The following COL9A1 variants were observed in gnomAD, a reference collection of about 807,000 sequenced individuals.
COL9A1 encodes the protein collagen type IX alpha 1 chain, also known as collagen alpha-1(IX) chain.
Under a neutral mutation model 142.6 loss-of-function variants are expected in COL9A1, and 104 were observed. The observed-to-expected ratio is 0.73, with a 90% confidence interval of 0.62 to 0.86. COL9A1 has a LOEUF of 0.86. Among genes scored for constraint, COL9A1 ranks in the 40% least tolerant of loss-of-function variants. The pLI is 0.00. For missense variants in COL9A1, 1,210 were observed against 1,176.6 expected (o/e 1.03, Z -0.42); for synonymous variants, 466 against 396.0 (o/e 1.18, Z -2.10).
intron 28 of COL9A1, among the ~76,000 whole-genome samples, chr6:70,250,172 G>A (rs144151051): frequency 0.037 from 5,620 of 152,056 alleles, 212 homozygotes; most frequent in East Asian, 0.14. Context: ...AAGGTGGGAG[G>A]ATCACTTGAA....
rs369718107 is a variant in COL9A1, at chr6:70,277,531, A to G, written c.976-2759T>C. Among the ~76,000 whole-genome samples the G allele has an allele frequency of 1.0e-3, 153 of 152,336 alleles. 3 individuals are homozygous for G. In the South Asian group the frequency reaches 0.012, roughly 12 times the overall value. On this transcript the variant is annotated intron_variant, in intron 10 of 37. Transcript: ENST00000357250. ...AAAGTGCCTTCATATGAATATTCAT[A>G]CAGACAAACTTCTATACATTATAAC...
intron 4 of COL9A1, 115 bp from the exon 5 acceptor site, chr6:70,294,678 T>TA (rs756851230): frequency 1.0e-6 from 1 of 968,440 alleles, no homozygotes; most frequent in Non-Finnish European, 1.6e-6. Flanking sequence ...AGCTACAGTG[T>TA]AAAAACCTAT....
intron 4 of COL9A1, among the ~76,000 whole-genome samples, chr6:70,297,076 T>G (rs1773873495): frequency 6.6e-6 from 1 of 152,154 alleles, no homozygotes; most frequent in African/African-American, 2.4e-5. Flanking sequence ...TGAAGTTAAC[T>G]GAGGGAGTTC....
At position 70,280,483 on chromosome 6, in the gene COL9A1, C is replaced by G; in HGVS notation, c.975+329G>C. On this transcript the variant is annotated intron_variant, in intron 10 of 37. Transcript: ENST00000357250. ...CGAAGCCAGTACAATCTATTGCCAT[C>G]CGTACCCCCTCTGGCCCCAGTGGGG... The G allele has an allele frequency of 3.8e-6, 5 of 1,306,616 alleles. No individual in the cohort carries two copies. The South Asian group carries it at 8.7e-5, about 23-fold the overall frequency. 80.9% of individuals were successfully genotyped at this position (1,306,616 alleles called of 1,614,324 possible). A position where few individuals can be genotyped will look rare whatever the true frequency, so the allele number is the denominator to read the frequency against.
chr6:70,254,539 A>C lies in COL9A1; in HGVS notation c.1666-10T>G, dbSNP rs762825632. On this transcript the variant is annotated splice_polypyrimidine_tract_variant and intron_variant, in intron 24 of 37. Coordinates refer to ENST00000357250, the MANE Select transcript of COL9A1 (RefSeq NM_001851.6). ...GTTTTCCTGGTTCACCCTGCAAAAAAAGCTTTTATCACATGATTGAACCTG... is the reference window on the plus strand; with the variant it reads ...GTTTTCCTGGTTCACCCTGCAAAAACAGCTTTTATCACATGATTGAACCTG... The C allele has an allele frequency of 1.8e-5, 29 of 1,613,848 alleles. No individual in the cohort carries two copies. The Admixed American group carries it at 4.3e-4, about 24-fold the overall frequency.
At chr6:70,279,218 G>A (rs957209107) in intron 10 of COL9A1, among the ~76,000 whole-genome samples, 5 of 152,116 alleles carry the variant, frequency 3.3e-5, no homozygotes, top group African/African-American at 4.8e-5. Context: ...GAATTTGTCA[G>A]ACTCTTTTTA....
intron 21 of COL9A1, 112 bp downstream of exon 21, chr6:70,256,656 T>C (rs1045200609): frequency 4.0e-6 from 3 of 750,398 alleles, no homozygotes; most frequent in Non-Finnish European, 6.6e-6. Flanking sequence ...ATATATAAAT[T>C]GTCCACTTTT....
rs761378012 is a variant in COL9A1 at position 70,294,295 on chromosome 6, T to G, written c.568A>C (p.Ser190Arg). The G allele has an allele frequency of 6.2e-7, 1 of 1,614,030 alleles. No individual in the cohort carries two copies. The highest frequency in any genetic ancestry group is 2.2e-5 in the East Asian group (1 of 44,874). Residue 190 changes from serine (S) to arginine (R), a missense_variant, in exon 5 of 38, where the codon AGT becomes CGT. Transcript: ENST00000357250. ...CAGTCAACAAAAAGAGTAGCACTAC[T>G]CCTCTCCACGCCAATCATGATCTTA... ...WHKIMIGVER[S>R]SATLFVDCNR... is the part of the protein sequence containing the mutation.
At chr6:70,239,118 G>T in intron 33 of COL9A1, 136 bp downstream of exon 33, 2 of 632,668 alleles carry the variant, frequency 3.2e-6, no homozygotes, top group South Asian at 2.0e-5. Flanking sequence ...ACGCCTGGGC[G>T]ACAGAGTGAG....
chr6:70,223,106 C>T (rs1251288115), intron 37 of COL9A1, among the ~76,000 whole-genome samples: 1 of 152,146 alleles, frequency 6.6e-6, no homozygotes, highest in African/African-American at 2.4e-5. Context: ...AAGGTCTGGG[C>T]ATCAGGGGCG....
intron 4 of COL9A1, among the ~76,000 whole-genome samples, chr6:70,295,281 C>CTTT (rs1171549562): frequency 0.057 from 3,595 of 63,174 alleles, 744 homozygotes; most frequent in South Asian, 0.14. Flanking sequence ...GTTGTTGCTT[C>CTTT]TTTTTTTTTT....
chr6:70,282,887 C>A lies in COL9A1; in HGVS notation c.801+11G>T, dbSNP rs200305129. 1 of 1,614,186 alleles carries A rather than the reference C, an allele frequency of 6.2e-7. No homozygotes were observed. Among genetic ancestry groups the A allele is most frequent in the Admixed American group, 1.7e-5 (1 of 60,028 alleles). On this transcript the variant is annotated intron_variant, in intron 7 of 37. Coordinates refer to ENST00000357250, the MANE Select transcript of COL9A1 (RefSeq NM_001851.6). ...CTTGAAAAATGCAAACACTCCCTGC[C>A]CCCAACTTACCTCGTCGGTGGTCTG...
intron 20 of COL9A1, among the ~76,000 whole-genome samples, chr6:70,259,540 C>T (rs184188757): frequency 2.6e-4 from 39 of 152,226 alleles, no homozygotes; most frequent in Middle Eastern, 3.4e-3. Flanking sequence ...TGATGATAAT[C>T]ACTCAGCTAA....
At chr6:70,228,502 AT>A (rs374363493) in intron 36 of COL9A1, among the ~76,000 whole-genome samples, 11 of 152,024 alleles carry the variant, frequency 7.2e-5, no homozygotes, top group Non-Finnish European at 1.2e-4. Context: ...TATACATACC[AT>A]TTTTTTTCCA....
rs770705023 is a variant in COL9A1, at chr6:70,232,680, G to T, written c.2406C>A (p.Gly802=). ...CTGGGAAACCATTCTCTCCAGGAGG[G>T]CCGGGGGGACCAGGAGGGCCAGGCC... ...PGRPGPPGPP[G]PPGENGFPGQ... The change falls in exon 36 of 38, where the codon GGC becomes GGA. Residue 802 remains glycine (G), a synonymous_variant. Transcript: ENST00000357250. 8 of 1,613,920 alleles carry T rather than the reference G, an allele frequency of 5.0e-6. No individual in the cohort carries two copies. Among genetic ancestry groups the T allele is most frequent in the Admixed American group, 3.3e-5 (2 of 60,002 alleles).
chr6:70,273,725 A>T lies in COL9A1; in HGVS notation c.1065+322T>A, dbSNP rs1482950769. 5.3e-5 allele frequency among the ~76,000 whole-genome samples: 8 copies of T among 152,160 alleles called. No individual in the cohort carries two copies. The East Asian group carries it at 1.5e-3, about 29-fold the overall frequency. ...TTGAATACTTAGATATGCTGTTGTTATGCAAGAAGTGTTTTCTATCATGGC... is the reference window on the plus strand; with the variant it reads ...TTGAATACTTAGATATGCTGTTGTTTTGCAAGAAGTGTTTTCTATCATGGC... On this transcript the variant is annotated intron_variant, in intron 12 of 37. Coordinates refer to ENST00000357250, the MANE Select transcript of COL9A1 (RefSeq NM_001851.6).
At chr6:70,235,294 A>G (rs938971656) in intron 33 of COL9A1, among the ~76,000 whole-genome samples, 5 of 152,096 alleles carry the variant, frequency 3.3e-5, no homozygotes, top group African/African-American at 1.2e-4. Flanking sequence ...CTCTACTAAA[A>G]ATACAAAAAT....
rs1773157885 is a variant in COL9A1 at position 70,281,422 on chromosome 6, G to T, written c.844C>A (p.Pro282Thr). ...CCATCGATGCCTGGAACTCCAGGGGGGCCCGGAGGCCCGGGAGGACCCTGC... is the reference window on the plus strand; with the variant it reads ...CCATCGATGCCTGGAACTCCAGGGGTGCCCGGAGGCCCGGGAGGACCCTGC... ...GEQGPPGPPG[P>T]PGVPGIDGID... The change falls in exon 8 of 38, where the codon CCC becomes ACC. Residue 282 changes from proline (P) to threonine (T), a missense_variant. Pro to Thr is a conservative substitution (Grantham distance 38). Coordinates refer to ENST00000357250, the MANE Select transcript of COL9A1 (RefSeq NM_001851.6). 6.2e-7 allele frequency: 1 copy of T among 1,613,434 alleles called. No individual in the cohort carries two copies.
intron 7 of COL9A1, 132 bp from the exon 8 acceptor site, chr6:70,281,596 A>G: frequency 3.1e-6 from 2 of 642,182 alleles, no homozygotes; most frequent in Non-Finnish European, 5.4e-6. Context: ...TTGCAACCCA[A>G]CGCAAAAATG....
Sources: gnomAD v4.1 joint callset for allele counts (sites outside exome capture counted in the v4.1 genomes callset) on GRCh38, gnomAD v4.1.1 for gene constraint, MANE v1.5 for transcripts, NCBI Gene and HGNC (gene_info 2026-07-23, HGNC 2026-07-21) for gene names.